The following SVIL variants were observed in gnomAD, a reference collection of about 807,000 sequenced individuals.
SVIL encodes the protein archvillin.
SVIL carries 101 observed loss-of-function variants against 240.4 expected under a neutral mutation model. That is an observed-to-expected ratio of 0.42 (90% CI 0.36 to 0.50). SVIL has a LOEUF of 0.50. SVIL is among the 20% of genes least tolerant of loss of function. The pLI is 0.01. For synonymous variants in SVIL, 999 were observed against 1,100.0 expected, an observed-to-expected ratio of 0.91 and a Z score of 1.82; for missense variants, 2,512 against 2,818.7, an observed-to-expected ratio of 0.89 and a Z score of 2.46.
intron 35 of SVIL, 55 bp downstream of exon 35, chr10:29,463,437 C>T: frequency 6.3e-7 from 1 of 1,579,674 alleles, no homozygotes. Context: ...GCTGCGCATG[C>T]CTGAGGGGCT....
At chr10:29,631,359 C>T (rs952872543) in intron 1 of SVIL, among the ~76,000 whole-genome samples, 14 of 152,170 alleles carry the variant, frequency 9.2e-5, no homozygotes, top group Admixed American at 6.5e-4. Flanking sequence ...GATGGCGAGG[C>T]GAGGCCAGGC....
intron 1 of SVIL, among the ~76,000 whole-genome samples, chr10:29,580,715 G>A (rs1379195233): frequency 6.6e-6 from 1 of 152,184 alleles, no homozygotes; most frequent in African/African-American, 2.4e-5. Context: ...TGCCCAGGCT[G>A]GAGTGCAGTG....
In SVIL at chr10:29,470,343, G is replaced by A; in HGVS notation, c.5776C>T (p.His1926Tyr). 2 of 1,614,176 alleles carry A rather than the reference G, an allele frequency of 1.2e-6. No individual in the cohort carries two copies. Among genetic ancestry groups the A allele is most frequent in the Non-Finnish European group, 1.7e-6 (2 of 1,180,042 alleles). The change falls in exon 32 of 38, where the codon CAC becomes TAC. Residue 1926 changes from histidine to tyrosine, a missense_variant. Around this residue, in one of 3 missense-constraint regions of SVIL, gnomAD observed 797 missense variants for 925.3 expected, o/e 0.86. Transcript: ENST00000355867. ...NVNKALIYLW[H>Y]GCKAQAHTKE... is the part of the protein sequence containing the mutation. ...GTGTGGGCCTGGGCTTTGCATCCGT[G>A]CCACAGGTAGATGAGGGCCTTGTTG... is the stretch of plus-strand genomic sequence containing the variant.
rs1388094104 is a variant in SVIL, at chr10:29,524,712, C to T, written c.2346G>A (p.Leu782=). Residue 782 remains leucine, a synonymous_variant, in exon 14 of 38, where the codon TTG becomes TTA. Coordinates refer to ENST00000355867, the MANE Select transcript of SVIL (RefSeq NM_021738.3). ...VARSAVQPAR[L]QASAHQKALA... ...AGGCCTTTTGGTGAGCAGAGGCCTG[C>T]AATCTGAAAAAAATAAAATGTCAGC... is the stretch of plus-strand genomic sequence containing the variant. 11 of 1,612,714 alleles carry T rather than the reference C, an allele frequency of 6.8e-6. No individual in the cohort carries two copies. Among genetic ancestry groups the T allele is most frequent in the African/African-American group, 1.3e-5 (1 of 74,746 alleles).
rs1962625321 is a variant in SVIL, at chr10:29,702,877, GA to G, written c.-399-16227del. Among the ~76,000 whole-genome samples the G allele has an allele frequency of 2.0e-5, 3 of 152,128 alleles. No homozygotes were observed. The South Asian group carries it at 6.2e-4, about 32-fold the overall frequency. ...CCTCCTTTGACTTCAGACTTTAGGAGAAAAAGGGTAGAATCGTACTGATCTC... is the reference window on the plus strand; with the variant it reads ...CCTCCTTTGACTTCAGACTTTAGGAGAAAAGGGTAGAATCGTACTGATCTC... On this transcript the variant is annotated intron_variant, in intron 1 of 35. Transcript: ENST00000375400.
intron 18 of SVIL, among the ~76,000 whole-genome samples, chr10:29,497,285 T>C (rs1270169078): frequency 2.0e-5 from 3 of 152,214 alleles, no homozygotes; most frequent in Non-Finnish European, 4.4e-5. Flanking sequence ...GCTAAGCCTC[T>C]ATATTTGATG....
At chr10:29,644,952 C>T (rs575895692) in intron 3 of SVIL, among the ~76,000 whole-genome samples, 1 of 151,098 alleles carries the variant, frequency 6.6e-6, no homozygotes, top group South Asian at 2.1e-4. Context: ...AGGCTGAGAT[C>T]AGGAAGACTG....
intron 1 of SVIL, among the ~76,000 whole-genome samples, chr10:29,600,702 T>C (rs755543688): frequency 2.0e-5 from 3 of 152,166 alleles, no homozygotes; most frequent in African/African-American, 7.2e-5. Flanking sequence ...CATGAAATAT[T>C]GGGGCACAAA....
At chr10:29,733,513 C>T (rs1423532024) in intron 1 of SVIL, among the ~76,000 whole-genome samples, 1 of 152,158 alleles carries the variant, frequency 6.6e-6, no homozygotes, top group Non-Finnish European at 1.5e-5. Flanking sequence ...CTATGTTGTC[C>T]AGGCTGGTCT....
intron 5 of SVIL, among the ~76,000 whole-genome samples, chr10:29,554,306 C>T (rs1415122312): frequency 6.6e-6 from 1 of 151,062 alleles, no homozygotes; most frequent in Non-Finnish European, 1.5e-5. Context: ...GAGACTCTGT[C>T]TCTAAAAAAA....
At chr10:29,546,451 C>T (rs4747663) in intron 6 of SVIL, among the ~76,000 whole-genome samples, 63,204 of 151,662 alleles carry the variant, frequency 0.42, 13,183 homozygotes, top group East Asian at 0.43. Flanking sequence ...GTAATATCAA[C>T]TAATCAATTA....
chr10:29,551,923 T>C, intron 5 of SVIL, among the ~76,000 whole-genome samples: 1 of 151,514 alleles, frequency 6.6e-6, no homozygotes, highest in East Asian at 2.0e-4. Flanking sequence ...CCAGCCTGGG[T>C]AACATAGTGA....
At chr10:29,627,337 C>T (rs1182473811) in intron 1 of SVIL, among the ~76,000 whole-genome samples, 1 of 152,048 alleles carries the variant, frequency 6.6e-6, no homozygotes, top group Non-Finnish European at 1.5e-5. Flanking sequence ...CTTAAAAATC[C>T]TCTAGTCCAA....
intron 32 of SVIL, among the ~76,000 whole-genome samples, chr10:29,468,753 T>C (rs1352396299): frequency 1.3e-5 from 2 of 152,032 alleles, no homozygotes; most frequent in Non-Finnish European, 2.9e-5. Context: ...TTCTTACTCA[T>C]GAATGGAAAA....
rs1015432454 is a variant in SVIL at position 29,457,723 on chromosome 10, A to T, written c.*524T>A. On this transcript the variant is annotated 3_prime_UTR_variant, in exon 38 of 38. Coordinates refer to ENST00000355867, the MANE Select transcript of SVIL (RefSeq NM_021738.3). ...CATTTCCAAACGTGTATGAAGATAC[A>T]TATTGGTGGCAGAGCTAATTCAACA... The T allele has an allele frequency of 6.5e-6, 1 of 152,676 alleles. No homozygotes were observed. The highest frequency in any genetic ancestry group is 2.4e-5 in the African/African-American group (1 of 41,456). The allele number at this position is 152,676 out of a possible 1,614,324, so 9.5% of individuals were successfully genotyped here.
At chr10:29,490,585 T>C (rs5784214) in intron 22 of SVIL, among the ~76,000 whole-genome samples, 1,587 of 76,164 alleles carry the variant, frequency 0.021, 24 homozygotes, top group African/African-American at 0.1. Flanking sequence ...CCCCAGTCTT[T>C]AAAAAAAAAA....
At chr10:29,485,631 A>G (rs1947322041) in intron 26 of SVIL, among the ~76,000 whole-genome samples, 1 of 152,172 alleles carries the variant, frequency 6.6e-6, no homozygotes, top group South Asian at 2.1e-4. Flanking sequence ...CACTTTCTCA[A>G]CACTTAGCAT....
intron 1 of SVIL, among the ~76,000 whole-genome samples, chr10:29,572,714 T>C (rs1304325499): frequency 7.1e-6 from 1 of 141,310 alleles, no homozygotes; most frequent in Non-Finnish European, 1.5e-5. Context: ...CAGTGAGCCA[T>C]GGTTGCACCA....
chr10:29,526,101 A>G (rs1027476122), intron 13 of SVIL, among the ~76,000 whole-genome samples: 4 of 152,290 alleles, frequency 2.6e-5, no homozygotes, highest in African/African-American at 9.6e-5. Flanking sequence ...ACGACAGTAA[A>G]ACATCTACGT....
Sources: gnomAD v4.1 joint callset for allele counts (sites outside exome capture counted in the v4.1 genomes callset) on GRCh38, gnomAD v4.1.1 for gene constraint, gnomAD v4.1.1 regional missense constraint, MANE v1.5 for transcripts, NCBI Gene and HGNC (gene_info 2026-07-23, HGNC 2026-07-21) for gene names.